Variants in TTLL4 observed in about 807,000 individuals in gnomAD.
TTLL4 encodes the protein tubulin monoglutamylase TTLL4.
A neutral mutation model predicts 122.7 loss-of-function variants in TTLL4; 85 were observed. That is an observed-to-expected ratio of 0.69 (90% confidence interval 0.58 to 0.83). The LOEUF is 0.83. Ranked by LOEUF, TTLL4 falls within the 40% of genes least tolerant of loss-of-function variation. The pLI is 0.00. For synonymous variants in TTLL4, 553 were observed against 563.0 expected (o/e 0.98, Z 0.25); for missense variants, 1,363 against 1,488.6 (o/e 0.92, Z 1.39).
At chr2:218,743,912 C>T (rs1399477663) in intron 5 of TTLL4, among the ~76,000 whole-genome samples, 2 of 152,156 alleles carry the variant, frequency 1.3e-5, no homozygotes, top group Non-Finnish European at 1.5e-5. Flanking sequence ...CTCCCAACCT[C>T]GGGTGATCCG....
At chr2:218,730,315 A>C (rs1317509707) in intron 2 of TTLL4, among the ~76,000 whole-genome samples, 400 of 32,622 alleles carry the variant, frequency 0.012, 35 homozygotes, top group African/African-American at 0.072. Context: ...AAAATCCAAA[A>C]AAAAAAAAAA....
chr2:218,751,675 C>T, intron 15 of TTLL4, 29 bp from the exon 16 acceptor site: 1 of 1,608,010 alleles, frequency 6.2e-7, no homozygotes, highest in Non-Finnish European at 8.5e-7. Flanking sequence ...TGACCCTGCC[C>T]TTTGCTTTCT....
downstream of TTLL4, among the ~76,000 whole-genome samples, chr2:218,756,095 A>G (rs691172): frequency 9.5e-3 from 1,441 of 152,314 alleles, 18 homozygotes; most frequent in African/African-American, 0.033. Context: ...ATTCTAGTGC[A>G]GACATGACAT....
intron 16 of TTLL4, among the ~76,000 whole-genome samples, chr2:218,752,211 A>G (rs1173479904): frequency 1.3e-5 from 2 of 152,108 alleles, no homozygotes; most frequent in African/African-American, 4.8e-5. Flanking sequence ...CCTGGCTGCA[A>G]CCAGCTTTTC....
intron 1 of TTLL4, among the ~76,000 whole-genome samples, chr2:218,721,190 T>C (rs1346600237): frequency 6.6e-6 from 1 of 152,116 alleles, no homozygotes; most frequent in Non-Finnish European, 1.5e-5. Context: ...TTCTAACAAA[T>C]TGATCAAACC....
intron 1 of TTLL4, among the ~76,000 whole-genome samples, chr2:218,723,563 A>G (rs1942104550): frequency 6.6e-6 from 1 of 152,202 alleles, no homozygotes; most frequent in African/African-American, 2.4e-5. Context: ...GTGCAAATAC[A>G]CATTCAAGAT....
intron 12 of TTLL4, 72 bp from the exon 13 acceptor site, chr2:218,748,764 C>CTTCG (rs1427003996): frequency 1.5e-6 from 2 of 1,374,458 alleles, no homozygotes; most frequent in Non-Finnish European, 2.0e-6. Flanking sequence ...TAGGTCTCTT[C>CTTCG]TTCGTTTTTC....
In TTLL4 at chr2:218,738,095, C is replaced by T. The variant is rs754419001; in HGVS notation, c.419C>T (p.Pro140Leu). ...QLESFCLRSS[P>L]SEKSPFSLPQ... ...GAGTCTTTCTGCTTGCGTTCGAGCCCGTCAGAAAAAAGCCCTTTTTCTCTC... is the reference window on the plus strand; with the variant it reads ...GAGTCTTTCTGCTTGCGTTCGAGCCTGTCAGAAAAAAGCCCTTTTTCTCTC... Residue 140 changes from proline (P) to leucine (L), a missense_variant, in exon 3 of 20, where the codon CCG becomes CTG. Around this residue, in one of 3 missense-constraint regions of TTLL4, gnomAD observed 760 missense variants for 808.4 expected, o/e 0.94. Coordinates refer to ENST00000392102, the MANE Select transcript of TTLL4 (RefSeq NM_014640.5). The T allele has an allele frequency of 9.9e-6, 16 of 1,613,986 alleles. No homozygotes were observed. Among genetic ancestry groups the T allele is most frequent in the East Asian group, 4.5e-5 (2 of 44,854 alleles).
intron 2 of TTLL4, among the ~76,000 whole-genome samples, chr2:218,729,769 A>ACAAC (rs1559361977): frequency 3.2e-4 from 49 of 151,048 alleles, no homozygotes; most frequent in African/African-American, 9.8e-4. Flanking sequence ...AAAACAAAAA[A>ACAAC]AAAAAAAACA....
Position 218,751,740 on chromosome 2 carries a change from T to G in TTLL4, c.2910T>G (p.Ala970=), listed in dbSNP as rs761883707. The change falls in exon 16 of 20, where the codon GCT becomes GCG. Residue 970 remains alanine, a synonymous_variant. Transcript: ENST00000392102. The part of the protein sequence containing the change: ...PTSPGDKCRM[A]PEHVTAQKMK... ...CCCCTGGGGACAAATGTCGAATGGC[T>G]CCAGAGCATGTCACTGCACAGAAGA... The G allele has an allele frequency of 6.2e-7, 1 of 1,613,640 alleles. No individual in the cohort carries two copies. Among genetic ancestry groups the G allele is most frequent in the East Asian group, 2.2e-5 (1 of 44,866 alleles).
rs1374082279 is a variant in TTLL4, at chr2:218,754,579, G to A, written c.*190G>A. ...GGAGGGATGGTAGTGATGGGGAGAA[G>A]GTGAGGAAGGGTCACCCTCTGTCAC... On this transcript the variant is annotated 3_prime_UTR_variant, in exon 20 of 20. Transcript: ENST00000392102. 25 of 759,380 alleles carry A rather than the reference G, an allele frequency of 3.3e-5. No individual in the cohort carries two copies. In the Admixed American group the frequency reaches 7.4e-4, roughly 22 times the overall value. 47.0% of individuals were successfully genotyped at this position (759,380 alleles called of 1,614,324 possible). A position where few individuals can be genotyped will look rare whatever the true frequency, so the allele number is the denominator to read the frequency against.
At chr2:218,741,458 T>G (rs1942699181) in intron 5 of TTLL4, among the ~76,000 whole-genome samples, 1 of 152,208 alleles carries the variant, frequency 6.6e-6, no homozygotes, top group African/African-American at 2.4e-5. Flanking sequence ...CTGCCTCGTT[T>G]AGCATGGACA....
chr2:218,722,931 G>A (rs1387769037), intron 1 of TTLL4, among the ~76,000 whole-genome samples: 1 of 152,192 alleles, frequency 6.6e-6, no homozygotes, highest in Non-Finnish European at 1.5e-5. Context: ...CAGGCATGTC[G>A]GGAGTTTCTG....
At position 218,715,669 on chromosome 2, in the gene TTLL4, C is replaced by T. The variant is rs139580000; in HGVS notation, c.-178+4632C>T. On this transcript the variant is annotated intron_variant, in intron 1 of 19. Transcript: ENST00000392102. ...TTCTTTAGAGGGAGTCTCAATCTGT[C>T]GCTAGGCTGGAGTGCAGTGGCGCAA... Among the ~76,000 whole-genome samples, 21 of 151,906 alleles carry T rather than the reference C, an allele frequency of 1.4e-4. 1 individual carries two copies. Among genetic ancestry groups the T allele is most frequent in the African/African-American group, 4.8e-4 (20 of 41,414 alleles).
intron 1 of TTLL4, among the ~76,000 whole-genome samples, chr2:218,714,130 TAATG>T (rs1212756358): frequency 2.6e-5 from 4 of 152,134 alleles, no homozygotes; most frequent in African/African-American, 9.7e-5. Context: ...AGAGAGGTAA[TAATG>T]GCAGCTGCCA....
chr2:218,725,276 G>A lies in TTLL4; in HGVS notation c.-177-1993G>A, dbSNP rs186180485. On this transcript the variant is annotated intron_variant, in intron 1 of 19. Coordinates refer to ENST00000392102, the MANE Select transcript of TTLL4 (RefSeq NM_014640.5). ...GCTGTGTCCCCTAGCGTGGAATGCA[G>A]TGGTGTATTCACAGCTCACCACAGC... Among the ~76,000 whole-genome samples the A allele has an allele frequency of 1.1e-4, 16 of 152,302 alleles. No individual in the cohort carries two copies. In the East Asian group the frequency reaches 3.1e-3, roughly 29 times the overall value.
At chr2:218,756,966 TCAGGCTGACCTTGGGTTTAAATCC>T (rs1454323470), downstream of TTLL4, among the ~76,000 whole-genome samples, 1 of 152,208 alleles carries the variant, frequency 6.6e-6, no homozygotes, top group Non-Finnish European at 1.5e-5. Flanking sequence ...GAACCTTGAA[TCAGGCTGACCTTGGGTTTAAATCC>T]CAGTTCTGCC....
intron 1 of TTLL4, among the ~76,000 whole-genome samples, chr2:218,718,154 C>T (rs1239383377): frequency 6.6e-6 from 1 of 152,152 alleles, no homozygotes; most frequent in Non-Finnish European, 1.5e-5. Context: ...TAGACTGAAC[C>T]ATTTCTGATG....
At chr2:218,751,669 C>A in intron 15 of TTLL4, 35 bp from the exon 16 acceptor site, 2 of 1,606,338 alleles carry the variant, frequency 1.2e-6, no homozygotes, top group Non-Finnish European at 1.7e-6. Context: ...AGCTGCTGAC[C>A]CTGCCCTTTG....
Sources: allele counts gnomAD v4.1 joint callset (sites outside exome capture counted in the v4.1 genomes callset), GRCh38; gene constraint gnomAD v4.1.1; regional missense constraint gnomAD v4.1.1; transcripts MANE v1.5; gene names NCBI Gene and HGNC (gene_info 2026-07-23, HGNC 2026-07-21).